Variants in MALRD1 observed in about 807,000 individuals in gnomAD.
MALRD1 encodes the protein MAM and LDL receptor class A domain containing 1.
Under a neutral mutation model 242.1 loss-of-function variants are expected in MALRD1, and 247 were observed. The observed-to-expected ratio is 1.02, with a 90% CI of 0.92 to 1.13. The LOEUF is 1.13. Among genes scored for constraint, MALRD1 ranks in the 50% most tolerant of loss-of-function variants. The probability of loss-of-function intolerance (pLI) is 0.00; values close to 1 mark genes in which losing one functional copy is unlikely to be tolerated. For synonymous variants in MALRD1, 995 were observed against 866.6 expected, an observed-to-expected ratio of 1.15 and a Z score of -2.60; for missense variants, 2,989 against 2,533.1, an observed-to-expected ratio of 1.18 and a Z score of -3.86.
intron 36 of MALRD1, among the ~76,000 whole-genome samples, chr10:19,633,375 C>A (rs1482343414): frequency 6.6e-6 from 1 of 152,116 alleles, no homozygotes; most frequent in African/African-American, 2.4e-5. Context: ...ATGTTTCTTA[C>A]AGTAGTAAAA....
intron 28 of MALRD1, among the ~76,000 whole-genome samples, chr10:19,430,660 A>G (rs1834092193): frequency 6.6e-6 from 1 of 152,112 alleles, no homozygotes; most frequent in African/African-American, 2.4e-5. Flanking sequence ...TTATGTTCCC[A>G]TGTGACACCC....
At chr10:19,636,361 A>T (rs1176177651) in intron 36 of MALRD1, among the ~76,000 whole-genome samples, 1 of 152,188 alleles carries the variant, frequency 6.6e-6, no homozygotes, top group Non-Finnish European at 1.5e-5. Flanking sequence ...TTTAAGCAAA[A>T]AGAGAAGTTT....
chr10:19,519,034 T>G (rs370674919), intron 31 of MALRD1, among the ~76,000 whole-genome samples: 33 of 152,302 alleles, frequency 2.2e-4, no homozygotes, highest in African/African-American at 7.2e-4. Context: ...TTTTAAAAGC[T>G]TTCTCTCTTT....
At chr10:19,337,166 A>G (rs1843649848) in intron 24 of MALRD1, among the ~76,000 whole-genome samples, 1 of 152,100 alleles carries the variant, frequency 6.6e-6, no homozygotes, top group South Asian at 2.1e-4. Context: ...GTATATGTAC[A>G]TACTTAACAT....
chr10:19,603,546 G>C (rs1169505017), intron 34 of MALRD1, among the ~76,000 whole-genome samples: 2 of 152,028 alleles, frequency 1.3e-5, no homozygotes, highest in African/African-American at 4.8e-5. Flanking sequence ...CTGTTCCATT[G>C]GTCTATATCT....
chr10:19,519,747 G>T (rs1833794459), intron 31 of MALRD1, among the ~76,000 whole-genome samples: 1 of 152,146 alleles, frequency 6.6e-6, no homozygotes, highest in Admixed American at 6.5e-5. Flanking sequence ...CAGGGCAACA[G>T]AGCTAGGTGC....
At chr10:19,049,301 A>G (rs1397344282) in intron 1 of MALRD1, among the ~76,000 whole-genome samples, 164 bp downstream of exon 1, 1 of 152,120 alleles carries the variant, frequency 6.6e-6, no homozygotes, top group Admixed American at 6.5e-5. Flanking sequence ...TACTAAAGAG[A>G]TGAGTCCATA....
At chr10:19,079,715 T>C (rs2131275933) in intron 2 of MALRD1, among the ~76,000 whole-genome samples, 1 of 152,044 alleles carries the variant, frequency 6.6e-6, no homozygotes, top group South Asian at 2.1e-4. Flanking sequence ...TTGACCCATT[T>C]GTCATTATAA....
chr10:19,321,410 T>C (rs1842911586), intron 21 of MALRD1, among the ~76,000 whole-genome samples: 1 of 152,142 alleles, frequency 6.6e-6, no homozygotes, highest in Admixed American at 6.6e-5. Context: ...CAACTCCCAT[T>C]CCTACTGGGA....
intron 33 of MALRD1, among the ~76,000 whole-genome samples, chr10:19,568,351 G>A (rs974867078): frequency 1.3e-5 from 2 of 148,644 alleles, no homozygotes; most frequent in Non-Finnish European, 2.9e-5. Flanking sequence ...TTTTGTTGTT[G>A]TTGTTGTTGT....
At chr10:19,367,580 G>C (rs894294514) in intron 26 of MALRD1, among the ~76,000 whole-genome samples, 1 of 152,130 alleles carries the variant, frequency 6.6e-6, no homozygotes, top group African/African-American at 2.4e-5. Flanking sequence ...AGACATAAGA[G>C]TGCATATATC....
chr10:19,288,079 T>G (rs542469003), intron 21 of MALRD1, among the ~76,000 whole-genome samples: 1 of 152,044 alleles, frequency 6.6e-6, no homozygotes, highest in African/African-American at 2.4e-5. Flanking sequence ...TTTTTATTAG[T>G]TTTAATTATT....
chr10:19,530,347 AATATATAAT>A (rs1834303344), intron 31 of MALRD1, among the ~76,000 whole-genome samples: 4 of 124,338 alleles, frequency 3.2e-5, no homozygotes, highest in Non-Finnish European at 6.5e-5. Context: ...TATTTATATA[AATATATAAT>A]ATTTATATAA....
At chr10:19,522,002 C>T (rs1188726236) in intron 31 of MALRD1, among the ~76,000 whole-genome samples, 2 of 152,058 alleles carry the variant, frequency 1.3e-5, no homozygotes, top group African/African-American at 4.8e-5. Context: ...CATCCATACT[C>T]ACTTCTGGGC....
rs1222846051 is a variant in MALRD1 at position 19,237,561 on chromosome 10, C to T, written c.2992-20123C>T. Among the ~76,000 whole-genome samples the T allele has an allele frequency of 3.8e-3, 411 of 108,156 alleles. 1 individual carries two copies. The highest frequency in any genetic ancestry group is 6.2e-3 in the Non-Finnish European group (336 of 54,348). 71.0% of individuals were successfully genotyped at this position (108,156 alleles called of 152,430 possible). A position where few individuals can be genotyped will look rare whatever the true frequency, so the allele number is the denominator to read the frequency against. On this transcript the variant is annotated intron_variant, in intron 18 of 39. Transcript: ENST00000454679. ...AATTTTATGTATAATTATAATTACA[C>T]ATAAAATTATATATAATTATAATTA...
At position 19,237,680 on chromosome 10, in the gene MALRD1, TAATTTA is replaced by T. The variant is rs1588749790; in HGVS notation, c.2992-20003_2992-19998del. ...TATATATAAATTATATAATTATATATAATTTATATATAAATACATAATTATATATAT... is the reference window on the plus strand; with the variant it reads ...TATATATAAATTATATAATTATATATTATATAAATACATAATTATATATAT... On this transcript the variant is annotated intron_variant, in intron 18 of 39. Transcript: ENST00000454679. 3.4e-5 allele frequency among the ~76,000 whole-genome samples: 4 copies of T among 118,924 alleles called. No homozygotes were observed. The East Asian group carries it at 9.2e-4, about 27-fold the overall frequency. The allele number at this position is 118,924 out of a possible 152,430, so 78.0% of individuals were successfully genotyped here.
At chr10:19,652,242 C>A (rs1194650033) in intron 36 of MALRD1, among the ~76,000 whole-genome samples, 1 of 152,108 alleles carries the variant, frequency 6.6e-6, no homozygotes, top group Non-Finnish European at 1.5e-5. Flanking sequence ...GTTGGTTTGT[C>A]CTCCCACTTC....
chr10:19,727,981 C>T (rs1178636395), intron 38 of MALRD1, among the ~76,000 whole-genome samples: 1 of 152,078 alleles, frequency 6.6e-6, no homozygotes, highest in East Asian at 1.9e-4. Flanking sequence ...TATAGAGTGA[C>T]ACTAGCAATT....
At chr10:19,530,385 T>TATAAATATTTATATAAATATATA (rs1564417200) in intron 31 of MALRD1, among the ~76,000 whole-genome samples, 1 of 85,284 alleles carries the variant, frequency 1.2e-5, no homozygotes, top group Non-Finnish European at 2.1e-5. Flanking sequence ...ATAAATATTA[T>TATAAATATTTATATAAATATATA]ATATTTATAT....
Sources: allele counts gnomAD v4.1 joint callset (sites outside exome capture counted in the v4.1 genomes callset), GRCh38; gene constraint gnomAD v4.1.1; transcripts MANE v1.5; gene names NCBI Gene and HGNC (gene_info 2026-07-23, HGNC 2026-07-21).